The following FBN1 variants were observed in gnomAD, a reference collection of about 807,000 sequenced individuals.
FBN1 encodes fibrillin-1.
A neutral mutation model predicts 365.1 loss-of-function variants in FBN1; 29 were observed. The ratio of observed to expected loss-of-function variants is 0.08; its 90% CI spans 0.06 to 0.11. The LOEUF (loss-of-function observed/expected upper bound fraction) is 0.11, where lower values mean the gene tolerates loss of function less well. Among genes scored for constraint, FBN1 ranks in the 10% least tolerant of loss-of-function variants. The probability of loss-of-function intolerance (pLI) is 1.00; values close to 1 mark genes in which losing one functional copy is unlikely to be tolerated. For synonymous variants in FBN1, 1,210 were observed against 1,270.5 expected (o/e 0.95, Z 1.01); for missense variants, 2,476 against 3,703.2 (o/e 0.67, Z 8.60).
intron 2 of FBN1, among the ~76,000 whole-genome samples, chr15:48,627,780 T>C (rs1043350098): frequency 2.0e-5 from 3 of 152,184 alleles, no homozygotes; most frequent in Non-Finnish European, 4.4e-5. Flanking sequence ...AAGATTTCCC[T>C]CTCAGTGTGA....
chr15:48,417,852 C>T (rs775040028), intron 63 of FBN1, among the ~76,000 whole-genome samples: 8 of 152,194 alleles, frequency 5.3e-5, no homozygotes, highest in Non-Finnish European at 7.3e-5. Context: ...TGCTCCTCCA[C>T]GTCCATCCTC....
At chr15:48,493,416 C>T (rs527945570) in intron 23 of FBN1, among the ~76,000 whole-genome samples, 1 of 152,228 alleles carries the variant, frequency 6.6e-6, no homozygotes, top group African/African-American at 2.4e-5. Flanking sequence ...AAAAAATATT[C>T]TGAATCTTTC....
At chr15:48,539,963 T>C (rs1203724851) in intron 6 of FBN1, among the ~76,000 whole-genome samples, 1 of 152,200 alleles carries the variant, frequency 6.6e-6, no homozygotes, top group Non-Finnish European at 1.5e-5. Context: ...AAACAAGTAT[T>C]AAATACTGAG....
intron 2 of FBN1, among the ~76,000 whole-genome samples, chr15:48,618,545 C>G (rs1167064433): frequency 6.6e-6 from 1 of 152,150 alleles, no homozygotes; most frequent in Non-Finnish European, 1.5e-5. Flanking sequence ...CACAATGCAA[C>G]CTGGGTAACA....
intron 29 of FBN1, among the ~76,000 whole-genome samples, chr15:48,486,416 C>T (rs2043507174): frequency 6.6e-6 from 1 of 152,194 alleles, no homozygotes; most frequent in South Asian, 2.1e-4. Context: ...CAAAGTTTCA[C>T]TTTGACTCGG....
At chr15:48,468,175 C>A (rs758214281) in intron 37 of FBN1, 73 bp from the exon 38 acceptor site, 158 of 1,571,538 alleles carry the variant, frequency 1.0e-4, no homozygotes, top group Non-Finnish European at 1.2e-4. Context: ...AAACCCACTT[C>A]AGGAACTGTT....
chr15:48,493,420 A>G (rs2043578042), intron 23 of FBN1, among the ~76,000 whole-genome samples: 1 of 152,210 alleles, frequency 6.6e-6, no homozygotes, highest in African/African-American at 2.4e-5. Context: ...AATATTCTGA[A>G]TCTTTCCTTG....
At chr15:48,536,804 C>T (rs756945129) in intron 7 of FBN1, among the ~76,000 whole-genome samples, 2 of 152,180 alleles carry the variant, frequency 1.3e-5, no homozygotes, top group Non-Finnish European at 2.9e-5. Flanking sequence ...AATTAACATA[C>T]AAAACAACGC....
At chr15:48,585,549 C>A (rs983522620) in intron 6 of FBN1, among the ~76,000 whole-genome samples, 2 of 152,116 alleles carry the variant, frequency 1.3e-5, no homozygotes. Flanking sequence ...ATGTATTTAA[C>A]ATTTAAACAC....
At chr15:48,431,400 T>A (rs149169098) in intron 55 of FBN1, among the ~76,000 whole-genome samples, 13 of 151,628 alleles carry the variant, frequency 8.6e-5, no homozygotes, top group African/African-American at 2.9e-4. Context: ...CGTGCCTGGC[T>A]GTCCCTTTAT....
At chr15:48,535,031 A>G (rs971990966) in intron 7 of FBN1, among the ~76,000 whole-genome samples, 4 of 152,106 alleles carry the variant, frequency 2.6e-5, no homozygotes, top group Non-Finnish European at 5.9e-5. Flanking sequence ...GATTCCTCAA[A>G]TATGCCAAGG....
At chr15:48,451,164 A>G (rs1566900159) in intron 45 of FBN1, among the ~76,000 whole-genome samples, 1 of 152,208 alleles carries the variant, frequency 6.6e-6, no homozygotes, top group East Asian at 1.9e-4. Flanking sequence ...TTGATCTATA[A>G]ATAGCTCTGT....
At chr15:48,476,342 A>T (rs975969699) in intron 32 of FBN1, among the ~76,000 whole-genome samples, 1 of 152,222 alleles carries the variant, frequency 6.6e-6, no homozygotes, top group Non-Finnish European at 1.5e-5. Context: ...TCTCTGACAA[A>T]TAATCTTATG....
At chr15:48,443,721 T>C (rs35530226) in intron 49 of FBN1, among the ~76,000 whole-genome samples, 2 of 152,206 alleles carry the variant, frequency 1.3e-5, no homozygotes, top group African/African-American at 4.8e-5. Context: ...TACTTATTTA[T>C]GAAATTCTAG....
chr15:48,521,932 G>T (rs150711018), intron 9 of FBN1, among the ~76,000 whole-genome samples: 126 of 152,320 alleles, frequency 8.3e-4, no homozygotes, highest in Non-Finnish European at 1.6e-3. Context: ...TGTACAGCAG[G>T]GGGTGAGCGG....
At chr15:48,427,525 A>G (rs1346431518) in intron 58 of FBN1, 42 bp downstream of exon 58, 1 of 1,586,730 alleles carries the variant, frequency 6.3e-7, no homozygotes, top group Non-Finnish European at 8.7e-7. Flanking sequence ...AAAACAAATA[A>G]ATAGATTCCC....
chr15:48,474,016 G>A (rs1031528206), intron 34 of FBN1, among the ~76,000 whole-genome samples: 1 of 152,032 alleles, frequency 6.6e-6, no homozygotes, highest in Non-Finnish European at 1.5e-5. Flanking sequence ...ATGTGATAAT[G>A]GCACCTAAAT....
chr15:48,448,958 T>A, intron 45 of FBN1, 65 bp from the exon 46 acceptor site: 1 of 1,353,386 alleles, frequency 7.4e-7, no homozygotes, highest in Non-Finnish European at 1.1e-6. Context: ...AACTTACTTC[T>A]AGCTATCATT....
At chr15:48,495,354 A>G in intron 21 of FBN1, 94 bp from the exon 22 acceptor site, 2 of 1,594,590 alleles carry the variant, frequency 1.3e-6, no homozygotes, top group Non-Finnish European at 1.7e-6. Flanking sequence ...GAAACAAGGA[A>G]TAATGAAGTT....
Sources: allele counts gnomAD v4.1 joint callset (sites outside exome capture counted in the v4.1 genomes callset), GRCh38; gene constraint gnomAD v4.1.1; transcripts MANE v1.5; gene names NCBI Gene and HGNC (gene_info 2026-07-23, HGNC 2026-07-21).